The following CADM2 variants were observed in gnomAD, a reference collection of about 807,000 sequenced individuals.
CADM2 encodes the protein cell adhesion molecule 2, also known as immunoglobulin superfamily member 4D.
A neutral mutation model predicts 49.8 loss-of-function variants in CADM2; 12 were observed. That is an observed-to-expected ratio of 0.24 (90% CI 0.15 to 0.39). The LOEUF (loss-of-function observed/expected upper bound fraction) is 0.39, where lower values mean the gene tolerates loss of function less well. Among genes scored for constraint, CADM2 ranks in the 10% least tolerant of loss-of-function variants. The pLI, the probability that CADM2 is intolerant of heterozygous loss-of-function variation, is 1.00. For missense variants in CADM2, 378 were observed against 492.3 expected (o/e 0.77, Z 2.20); for synonymous variants, 214 against 175.4 (o/e 1.22, Z -1.74).
intron 1 of CADM2, among the ~76,000 whole-genome samples, chr3:85,517,983 A>G (rs2060943414): frequency 6.6e-6 from 1 of 151,934 alleles, no homozygotes; most frequent in Non-Finnish European, 1.5e-5. Flanking sequence ...CAAATGCATG[A>G]CTCTAGGACA....
intron 8 of CADM2, among the ~76,000 whole-genome samples, chr3:86,019,486 G>A (rs1447117340): frequency 1.2e-4 from 18 of 150,726 alleles, no homozygotes; most frequent in Admixed American, 7.3e-4. Context: ...CCATTTTCAC[G>A]ATATTGATTC....
chr3:85,377,973 A>G (rs2107344028), intron 1 of CADM2, among the ~76,000 whole-genome samples: 1 of 152,180 alleles, frequency 6.6e-6, no homozygotes, highest in Admixed American at 6.6e-5. Context: ...ATAGTAATGA[A>G]TATTGTGACT....
chr3:85,230,383 C>T (rs1055868857), intron 1 of CADM2, among the ~76,000 whole-genome samples: 2 of 152,118 alleles, frequency 1.3e-5, no homozygotes, highest in Admixed American at 6.6e-5. Context: ...TCCATTAGTG[C>T]AAGTAATCGA....
At chr3:85,739,619 C>T (rs1391545496) in intron 2 of CADM2, among the ~76,000 whole-genome samples, 1 of 151,918 alleles carries the variant, frequency 6.6e-6, no homozygotes, top group Non-Finnish European at 1.5e-5. Context: ...CAAGTTGCAT[C>T]AATTATAAGG....
chr3:86,066,352 AAAAAAAG>A (rs1739328951), intron 9 of CADM2, among the ~76,000 whole-genome samples: 1 of 150,298 alleles, frequency 6.7e-6, no homozygotes, highest in Non-Finnish European at 1.5e-5. Flanking sequence ...AAAAAAAAAA[AAAAAAAG>A]ATCTTAACAA....
chr3:85,611,434 C>T (rs1356221354), intron 1 of CADM2, among the ~76,000 whole-genome samples: 2 of 151,660 alleles, frequency 1.3e-5, no homozygotes, highest in African/African-American at 4.8e-5. Context: ...TAGTTGAGCA[C>T]CTGTTTTAAA....
intron 8 of CADM2, among the ~76,000 whole-genome samples, chr3:85,988,803 G>C (rs1728426050): frequency 6.6e-6 from 1 of 152,122 alleles, no homozygotes; most frequent in Non-Finnish European, 1.5e-5. Flanking sequence ...AGAAAAAAGA[G>C]ATGGACTCAA....
intron 3 of CADM2, among the ~76,000 whole-genome samples, chr3:85,825,148 G>A (rs1235724660): frequency 6.6e-6 from 1 of 152,058 alleles, no homozygotes; most frequent in Non-Finnish European, 1.5e-5. Flanking sequence ...CTAAGCATCT[G>A]AGAACAGCAT....
intron 1 of CADM2, among the ~76,000 whole-genome samples, chr3:84,962,005 A>C (rs903943002): frequency 2.0e-5 from 3 of 151,968 alleles, no homozygotes; most frequent in Non-Finnish European, 4.4e-5. Context: ...AGTCTCTTTT[A>C]TTGAGTATGT....
intron 2 of CADM2, among the ~76,000 whole-genome samples, chr3:85,736,514 C>G (rs1367760143): frequency 6.6e-6 from 1 of 152,094 alleles, no homozygotes; most frequent in Non-Finnish European, 1.5e-5. Flanking sequence ...CAGCAGGGGA[C>G]TAAAAGACAG....
In CADM2 at chr3:85,854,012, A is replaced by G. The variant is rs367990549; in HGVS notation, c.239-29279A>G. 7.9e-5 allele frequency among the ~76,000 whole-genome samples: 12 copies of G among 152,314 alleles called. 1 individual carries two copies. In the East Asian group the frequency reaches 1.9e-3, roughly 24 times the overall value. ...CATATTAAAAACTTTACAGCTTAGT[A>G]AAGGAGACAGATGCATACGTGGTCA... On this transcript the variant is annotated intron_variant, in intron 3 of 9. Coordinates refer to ENST00000383699, the MANE Select transcript of CADM2 (RefSeq NM_001167675.2).
At chr3:86,025,813 C>T (rs1047350767) in intron 8 of CADM2, among the ~76,000 whole-genome samples, 1 of 152,008 alleles carries the variant, frequency 6.6e-6, no homozygotes, top group East Asian at 1.9e-4. Flanking sequence ...TAATCTGGAA[C>T]TAAACATCAG....
At chr3:85,920,140 G>A (rs990376310) in intron 6 of CADM2, among the ~76,000 whole-genome samples, 2 of 151,758 alleles carry the variant, frequency 1.3e-5, no homozygotes, top group Non-Finnish European at 3.0e-5. Context: ...TATATTAAGT[G>A]TTTCAGGATA....
At chr3:85,107,483 A>C (rs769950931) in intron 1 of CADM2, among the ~76,000 whole-genome samples, 2 of 152,078 alleles carry the variant, frequency 1.3e-5, no homozygotes, top group African/African-American at 2.4e-5. Context: ...CGAAGGCAAA[A>C]AATTAGGTCC....
intron 1 of CADM2, among the ~76,000 whole-genome samples, chr3:85,684,356 C>T (rs918623312): frequency 2.6e-5 from 4 of 152,052 alleles, no homozygotes; most frequent in African/African-American, 9.7e-5. Context: ...TTTGTTTGCA[C>T]CTAGATCTTA....
intron 1 of CADM2, among the ~76,000 whole-genome samples, chr3:85,625,279 C>T (rs141799027): frequency 1.7e-3 from 253 of 152,118 alleles, no homozygotes; most frequent in African/African-American, 5.6e-3. Flanking sequence ...ATTATTTCCT[C>T]TAGTATTATA....
chr3:85,741,441 G>C (rs532908628), intron 2 of CADM2, among the ~76,000 whole-genome samples: 35 of 152,190 alleles, frequency 2.3e-4, no homozygotes, highest in Admixed American at 5.9e-4. Context: ...AGGCCGGGGC[G>C]GGGGGATCAC....
intron 1 of CADM2, among the ~76,000 whole-genome samples, chr3:85,146,103 A>G (rs1380316323): frequency 6.6e-6 from 1 of 152,156 alleles, no homozygotes; most frequent in Non-Finnish European, 1.5e-5. Context: ...TAATGTTTAT[A>G]TCCCTTAGGA....
chr3:85,467,951 G>A (rs1347828628), intron 1 of CADM2, among the ~76,000 whole-genome samples: 1 of 151,818 alleles, frequency 6.6e-6, no homozygotes, highest in Non-Finnish European at 1.5e-5. Context: ...TCAGGAGATC[G>A]AGACCATCCC....
Sources: allele counts gnomAD v4.1 joint callset (sites outside exome capture counted in the v4.1 genomes callset), GRCh38; gene constraint gnomAD v4.1.1; transcripts MANE v1.5; gene names NCBI Gene and HGNC (gene_info 2026-07-23, HGNC 2026-07-21).